SLC8A1: variants seen among roughly 807,000 people sequenced by gnomAD.
SLC8A1 encodes sodium/calcium exchanger 1.
In SLC8A1, 18 loss-of-function variants were observed where a neutral mutation model predicts 68.3. The ratio of observed to expected loss-of-function variants is 0.26; its 90% CI spans 0.18 to 0.39. The LOEUF is 0.39. Among genes scored for constraint, SLC8A1 ranks in the 10% least tolerant of loss-of-function variants. SLC8A1 has a pLI of 1.00. For missense variants in SLC8A1, 985 were observed against 1,156.7 expected (o/e 0.85, Z 2.15); for synonymous variants, 475 against 415.5 (o/e 1.14, Z -1.74).
chr2:40,434,463 A>G (rs1699002996), intron 1 of SLC8A1, among the ~76,000 whole-genome samples: 1 of 152,116 alleles, frequency 6.6e-6, no homozygotes, highest in Non-Finnish European at 1.5e-5. Context: ...TCTTTCCTCT[A>G]TCATCAGATT....
chr2:40,132,592 A>T (rs1230681952), intron 7 of SLC8A1, among the ~76,000 whole-genome samples: 1 of 152,162 alleles, frequency 6.6e-6, no homozygotes, highest in Admixed American at 6.5e-5. Context: ...TCTACAGAAT[A>T]TCTTAGTTTT....
chr2:40,178,582 T>G, intron 2 of SLC8A1, 89 bp from the exon 3 acceptor site: 1 of 1,084,722 alleles, frequency 9.2e-7, no homozygotes, highest in Non-Finnish European at 1.4e-6. Flanking sequence ...GTTAACCAGC[T>G]GCACTTTCAG....
At chr2:40,182,137 G>A (rs890367995) in intron 2 of SLC8A1, among the ~76,000 whole-genome samples, 1 of 152,120 alleles carries the variant, frequency 6.6e-6, no homozygotes, top group African/African-American at 2.4e-5. Context: ...GTTTACCAAC[G>A]GGAAACATAG....
intron 2 of SLC8A1, among the ~76,000 whole-genome samples, chr2:40,376,069 T>A (rs1017075838): frequency 1.3e-5 from 2 of 152,132 alleles, no homozygotes; most frequent in Non-Finnish European, 2.9e-5. Flanking sequence ...ATATTTAGAA[T>A]GCTGAATGAA....
chr2:40,241,069 T>C (rs1252615586), intron 2 of SLC8A1, among the ~76,000 whole-genome samples: 1 of 152,186 alleles, frequency 6.6e-6, no homozygotes. Context: ...CACTATGCCA[T>C]TCACAATAGC....
chr2:40,222,708 G>C (rs924037370), intron 2 of SLC8A1, among the ~76,000 whole-genome samples: 23 of 152,146 alleles, frequency 1.5e-4, no homozygotes, highest in African/African-American at 5.3e-4. Flanking sequence ...AGTGGGCAAA[G>C]GATATGAACA....
intron 1 of SLC8A1, among the ~76,000 whole-genome samples, chr2:40,503,434 C>T (rs985141240): frequency 1.1e-4 from 16 of 152,096 alleles, no homozygotes; most frequent in African/African-American, 3.9e-4. Context: ...TTTTATTCAA[C>T]ATAGTGCTAG....
chr2:40,196,291 T>G (rs2053003130), intron 2 of SLC8A1, among the ~76,000 whole-genome samples: 1 of 151,966 alleles, frequency 6.6e-6, no homozygotes, highest in Admixed American at 6.6e-5. Context: ...GCAGTTGTAG[T>G]GAGTGGTGAC....
chr2:40,224,732 A>G (rs1185136753), intron 2 of SLC8A1, among the ~76,000 whole-genome samples: 1 of 152,080 alleles, frequency 6.6e-6, no homozygotes, highest in Non-Finnish European at 1.5e-5. Flanking sequence ...ATTTTTTACA[A>G]CTCCTCAAAC....
At chr2:40,496,993 G>A (rs2149931633) in intron 1 of SLC8A1, among the ~76,000 whole-genome samples, 1 of 151,506 alleles carries the variant, frequency 6.6e-6, no homozygotes, top group Middle Eastern at 3.4e-3. Context: ...GTTAGTGGGT[G>A]CAGCGCACCA....
chr2:40,457,949 T>A (rs1703119546), intron 1 of SLC8A1, among the ~76,000 whole-genome samples: 1 of 152,180 alleles, frequency 6.6e-6, no homozygotes, highest in African/African-American at 2.4e-5. Context: ...TACGCATGTA[T>A]CAGCTGGGTT....
intron 1 of SLC8A1, among the ~76,000 whole-genome samples, chr2:40,466,276 C>T (rs1194162381): frequency 6.6e-6 from 1 of 152,064 alleles, no homozygotes; most frequent in Non-Finnish European, 1.5e-5. Flanking sequence ...TGACATTTAA[C>T]AATAAATAGG....
At chr2:40,299,129 G>A (rs2070960983) in intron 2 of SLC8A1, among the ~76,000 whole-genome samples, 1 of 152,160 alleles carries the variant, frequency 6.6e-6, no homozygotes, top group Admixed American at 6.5e-5. Context: ...AGGTTGGCAA[G>A]TGTCGCACAC....
chr2:40,141,616 A>G (rs2148301104), intron 6 of SLC8A1, among the ~76,000 whole-genome samples: 1 of 152,322 alleles, frequency 6.6e-6, no homozygotes, highest in East Asian at 1.9e-4. Flanking sequence ...CTGTTCATGC[A>G]GTATTTATTA....
chr2:40,292,878 G>T (rs746686984), intron 2 of SLC8A1, among the ~76,000 whole-genome samples: 1 of 152,126 alleles, frequency 6.6e-6, no homozygotes, highest in East Asian at 1.9e-4. Flanking sequence ...CCTTCATCTA[G>T]TGAACTGTCA....
intron 2 of SLC8A1, among the ~76,000 whole-genome samples, chr2:40,421,335 G>C (rs759527617): frequency 4.6e-5 from 7 of 152,104 alleles, no homozygotes; most frequent in Non-Finnish European, 1.0e-4. Flanking sequence ...AAAGCTGGTA[G>C]GGGACAGAGA....
intron 1 of SLC8A1, among the ~76,000 whole-genome samples, chr2:40,469,164 T>C (rs1179781488): frequency 1.3e-5 from 2 of 152,172 alleles, no homozygotes; most frequent in Admixed American, 6.5e-5. Context: ...GCATTAACTA[T>C]GTTTGCAATG....
intron 2 of SLC8A1, among the ~76,000 whole-genome samples, chr2:40,298,400 T>C (rs1227054912): frequency 6.6e-6 from 1 of 152,214 alleles, no homozygotes; most frequent in Non-Finnish European, 1.5e-5. Context: ...GTATACTTTG[T>C]TTTCAACAGA....
chr2:40,254,764 G>A (rs886102051), intron 2 of SLC8A1: 49 of 152,054 alleles, frequency 3.2e-4, no homozygotes, highest in African/African-American at 1.2e-3. Context: ...CAGCATATTG[G>A]TTTCTGTTCA....
Sources: gnomAD v4.1 joint callset for allele counts (sites outside exome capture counted in the v4.1 genomes callset) on GRCh38, gnomAD v4.1.1 for gene constraint, MANE v1.5 for transcripts, NCBI Gene and HGNC (gene_info 2026-07-23, HGNC 2026-07-21) for gene names.